Variants in ITGA1 observed in about 807,000 individuals in gnomAD.
ITGA1 encodes the protein integrin alpha-1.
Under a neutral mutation model 145.9 loss-of-function variants are expected in ITGA1, and 85 were observed. That is an observed-to-expected ratio of 0.58 (90% CI 0.49 to 0.70). ITGA1 has a LOEUF of 0.70. ITGA1 is among the 30% of genes least tolerant of loss of function. ITGA1 has a pLI of 0.00. For missense variants in ITGA1, 1,351 were observed against 1,418.7 expected, an observed-to-expected ratio of 0.95 and a Z score of 0.77; for synonymous variants, 520 against 495.3, an observed-to-expected ratio of 1.05 and a Z score of -0.66.
At chr5:52,852,900 C>G (rs1490413576) in intron 2 of ITGA1, among the ~76,000 whole-genome samples, 1 of 152,102 alleles carries the variant, frequency 6.6e-6, no homozygotes. Context: ...TTAAATGTGA[C>G]TCTCCTAGGG....
At chr5:52,801,586 G>A (rs1459627591) in intron 1 of ITGA1, 2 of 1,614,112 alleles carry the variant, frequency 1.2e-6, no homozygotes, top group Admixed American at 3.3e-5. Flanking sequence ...GGTGGAGAAG[G>A]CCAATGAAGC....
At chr5:52,799,247 AGAATGCTAAGTAACTTAAG>A (rs550125728) in intron 1 of ITGA1, among the ~76,000 whole-genome samples, 1 of 152,304 alleles carries the variant, frequency 6.6e-6, no homozygotes, top group African/African-American at 2.4e-5. Flanking sequence ...TTCCTAATAA[AGAATGCTAAGTAACTTAAG>A]GATTTTCTTT....
At chr5:52,850,778 A>G (rs1012773187) in intron 2 of ITGA1, among the ~76,000 whole-genome samples, 1 of 152,124 alleles carries the variant, frequency 6.6e-6, no homozygotes, top group African/African-American at 2.4e-5. Context: ...CTACATGCTA[A>G]ATTTTTAAGT....
chr5:52,867,881 G>A (rs977221433), intron 6 of ITGA1, among the ~76,000 whole-genome samples: 22 of 151,994 alleles, frequency 1.4e-4, no homozygotes, highest in African/African-American at 5.3e-4. Context: ...TACTTCTAGA[G>A]AAGCTTCAGA....
Position 52,820,552 on chromosome 5 carries a change from A to C in ITGA1, c.62-28813A>C, listed in dbSNP as rs773717580. On this transcript the variant is annotated intron_variant, in intron 1 of 28. Coordinates refer to ENST00000282588, the MANE Select transcript of ITGA1 (RefSeq NM_181501.2). ...AAAAAAAAGAAAAAGAAAATGGCAC[A>C]CTTGCTCTTGACTCCCTTGGCCGGA... Among the ~76,000 whole-genome samples, 8 of 151,666 alleles carry C rather than the reference A, an allele frequency of 5.3e-5. No homozygotes were observed. In the South Asian group the frequency reaches 8.3e-4, roughly 16 times the overall value.
intron 24 of ITGA1, among the ~76,000 whole-genome samples, 155 bp from the exon 25 acceptor site, chr5:52,939,435 G>A (rs889454688): frequency 2.0e-5 from 3 of 152,140 alleles, no homozygotes; most frequent in African/African-American, 7.2e-5. Context: ...TATGGCTGGT[G>A]CATAACAACC....
intron 8 of ITGA1, among the ~76,000 whole-genome samples, chr5:52,893,173 GC>G (rs1221754537): frequency 6.6e-6 from 1 of 152,032 alleles, no homozygotes; most frequent in Admixed American, 6.6e-5. Context: ...TTTCCAGATT[GC>G]CAATTTAGAT....
At chr5:52,809,112 G>A (rs1748644017) in intron 1 of ITGA1, among the ~76,000 whole-genome samples, 1 of 152,134 alleles carries the variant, frequency 6.6e-6, no homozygotes, top group Non-Finnish European at 1.5e-5. Context: ...CCTTGGAGGA[G>A]TATTTATATT....
At chr5:52,900,978 C>A (rs1161408421) in intron 11 of ITGA1, among the ~76,000 whole-genome samples, 1 of 151,978 alleles carries the variant, frequency 6.6e-6, no homozygotes, top group Non-Finnish European at 1.5e-5. Context: ...GAATAATGAT[C>A]CCCAAAGATG....
intron 1 of ITGA1, among the ~76,000 whole-genome samples, chr5:52,844,920 G>C (rs189340128): frequency 3.3e-5 from 5 of 152,170 alleles, no homozygotes; most frequent in African/African-American, 9.6e-5. Context: ...TGCTTTTACT[G>C]TTTACTCACT....
At chr5:52,909,150 G>A in intron 13 of ITGA1, 109 bp downstream of exon 13, 1 of 1,180,014 alleles carries the variant, frequency 8.5e-7, no homozygotes, top group East Asian at 2.6e-5. Flanking sequence ...GAGCAAAGAA[G>A]CTATCAGGAT....
intron 1 of ITGA1, among the ~76,000 whole-genome samples, chr5:52,791,295 A>T (rs1445710116): frequency 6.6e-6 from 1 of 152,172 alleles, no homozygotes; most frequent in African/African-American, 2.4e-5. Flanking sequence ...ACAGTAGGGA[A>T]AAAAGAACCT....
chr5:52,921,959 T>C (rs1420686685), intron 17 of ITGA1, among the ~76,000 whole-genome samples: 3 of 152,222 alleles, frequency 2.0e-5, no homozygotes, highest in Non-Finnish European at 4.4e-5. Context: ...ATTGGTGGCA[T>C]GTTAACAGTA....
At chr5:52,918,652 G>A (rs1750685485) in intron 15 of ITGA1, 80 bp from the exon 16 acceptor site, 6 of 1,379,512 alleles carry the variant, frequency 4.3e-6, no homozygotes, top group Non-Finnish European at 6.0e-6. Flanking sequence ...CCTCTTCCAT[G>A]CACTCACTTT....
intron 6 of ITGA1, among the ~76,000 whole-genome samples, chr5:52,869,424 G>T (rs1396298504): frequency 6.6e-6 from 1 of 152,146 alleles, no homozygotes; most frequent in Non-Finnish European, 1.5e-5. Context: ...GCCTCCCAAG[G>T]TGCTGGGATT....
intron 3 of ITGA1, among the ~76,000 whole-genome samples, chr5:52,864,300 T>A (rs1230854907): frequency 6.6e-6 from 1 of 152,214 alleles, no homozygotes; most frequent in Non-Finnish European, 1.5e-5. Context: ...CCAAAGGATG[T>A]CCTCATGATT....
chr5:52,869,693 C>G (rs1031162559), intron 6 of ITGA1, among the ~76,000 whole-genome samples: 2 of 152,110 alleles, frequency 1.3e-5, no homozygotes, highest in Non-Finnish European at 2.9e-5. Flanking sequence ...ATGTTTGTAT[C>G]ATATTGAGTC....
intron 1 of ITGA1, among the ~76,000 whole-genome samples, chr5:52,832,016 G>A (rs1580052398): frequency 6.6e-6 from 1 of 152,098 alleles, no homozygotes; most frequent in African/African-American, 2.4e-5. Context: ...TCTTCCCCCA[G>A]CCACGGTGGA....
intron 1 of ITGA1, among the ~76,000 whole-genome samples, chr5:52,808,210 A>G (rs538494922): frequency 6.6e-6 from 1 of 152,348 alleles, no homozygotes; most frequent in Admixed American, 6.5e-5. Flanking sequence ...AAAGAAGTCA[A>G]ATAAATGTAA....
Sources: gnomAD v4.1 joint callset for allele counts (sites outside exome capture counted in the v4.1 genomes callset) on GRCh38, gnomAD v4.1.1 for gene constraint, MANE v1.5 for transcripts, NCBI Gene and HGNC (gene_info 2026-07-23, HGNC 2026-07-21) for gene names.